PTPRD: variants seen among roughly 807,000 people sequenced by gnomAD.
PTPRD encodes protein tyrosine phosphatase receptor type D, also known as receptor-type tyrosine-protein phosphatase delta.
Under a neutral mutation model 214.5 loss-of-function variants are expected in PTPRD, and 34 were observed. The observed-to-expected ratio is 0.16, with a 90% CI of 0.12 to 0.21. The LOEUF (loss-of-function observed/expected upper bound fraction) is 0.21. PTPRD is among the 10% of genes least tolerant of loss of function. The pLI, the probability that PTPRD is intolerant of heterozygous loss-of-function variation, is 1.00. For synonymous variants in PTPRD, 1,128 were observed against 845.7 expected (o/e 1.33, Z -5.79); for missense variants, 2,545 against 2,398.7 (o/e 1.06, Z -1.27).
intron 2 of PTPRD, among the ~76,000 whole-genome samples, chr9:10,356,322 G>A (rs903472637): frequency 6.6e-6 from 1 of 152,074 alleles, no homozygotes; most frequent in Non-Finnish European, 1.5e-5. Context: ...TCAATCTGAT[G>A]ACTTTACCAT....
At chr9:9,967,914 A>C (rs571796408) in intron 4 of PTPRD, among the ~76,000 whole-genome samples, 177 of 152,258 alleles carry the variant, frequency 1.2e-3, no homozygotes, top group African/African-American at 3.8e-3. Flanking sequence ...ATATATACTG[A>C]TATTATGATA....
intron 2 of PTPRD, among the ~76,000 whole-genome samples, chr9:10,408,944 T>C (rs913154682): frequency 2.0e-5 from 3 of 151,766 alleles, no homozygotes; most frequent in African/African-American, 7.2e-5. Flanking sequence ...TATAAACCTG[T>C]TCAATAGATA....
At chr9:10,184,337 A>C (rs1382678452) in intron 3 of PTPRD, among the ~76,000 whole-genome samples, 1 of 152,182 alleles carries the variant, frequency 6.6e-6, no homozygotes, top group Non-Finnish European at 1.5e-5. Flanking sequence ...AGGCATGAGA[A>C]TCACTTGAAC....
chr9:9,670,359 G>T (rs2096803861), intron 7 of PTPRD, among the ~76,000 whole-genome samples: 2 of 152,124 alleles, frequency 1.3e-5, no homozygotes, highest in Admixed American at 1.3e-4. Flanking sequence ...TTTTAGTTTT[G>T]TAAGGGGAGC....
At chr9:9,871,517 TAGCTCTTCAAGGAA>T (rs2065421023) in intron 5 of PTPRD, among the ~76,000 whole-genome samples, 1 of 152,216 alleles carries the variant, frequency 6.6e-6, no homozygotes, top group South Asian at 2.1e-4. Context: ...TTTCTAACTC[TAGCTCTTCAAGGAA>T]GCTCAGGGGC....
rs532917763 is a variant in PTPRD at position 9,847,575 on chromosome 9, T to C, written c.-367-80724A>G. On this transcript the variant is annotated intron_variant, in intron 5 of 45. Transcript: ENST00000381196. Reference sequence around the variant, plus strand: ...CCAATGCCCCCTAGGTTTGTCATATTCTTGCCACTTTACAGGAAAACAAAA... The same window carrying C: ...CCAATGCCCCCTAGGTTTGTCATATCCTTGCCACTTTACAGGAAAACAAAA... Among the ~76,000 whole-genome samples the C allele has an allele frequency of 6.6e-5, 10 of 152,264 alleles. 1 individual carries two copies. Among genetic ancestry groups the C allele is most frequent in the Admixed American group, 5.9e-4 (9 of 15,264 alleles).
intron 5 of PTPRD, among the ~76,000 whole-genome samples, chr9:9,767,984 G>C (rs115703320): frequency 6.6e-6 from 1 of 152,076 alleles, no homozygotes; most frequent in Non-Finnish European, 1.5e-5. Flanking sequence ...AGCTATCATC[G>C]AAACAGCACA....
chr9:10,001,451 A>G (rs1478847790), intron 4 of PTPRD, among the ~76,000 whole-genome samples: 1 of 152,158 alleles, frequency 6.6e-6, no homozygotes, highest in Non-Finnish European at 1.5e-5. Flanking sequence ...GAGATCCACA[A>G]GTAGAAACAT....
At chr9:9,579,364 G>C (rs564601867) in intron 7 of PTPRD, among the ~76,000 whole-genome samples, 5 of 152,244 alleles carry the variant, frequency 3.3e-5, no homozygotes, top group African/African-American at 1.2e-4. Context: ...ACACTGACTA[G>C]AGAGGTAAAC....
intron 39 of PTPRD, among the ~76,000 whole-genome samples, chr9:8,374,522 T>A (rs925286531): frequency 1.3e-5 from 2 of 152,058 alleles, no homozygotes; most frequent in African/African-American, 4.8e-5. Context: ...CAAAGGACCC[T>A]GTCTTGGATG....
intron 3 of PTPRD, among the ~76,000 whole-genome samples, chr9:10,125,771 C>T (rs1009412695): frequency 2.0e-5 from 3 of 151,770 alleles, no homozygotes; most frequent in Non-Finnish European, 4.4e-5. Context: ...CGTGAGCCAC[C>T]GCACCCATCT....
chr9:9,977,632 T>C lies in PTPRD; in HGVS notation c.-471-39022A>G, dbSNP rs560367970. On this transcript the variant is annotated intron_variant, in intron 4 of 45. Transcript: ENST00000381196. ...AAATGATAAGTGAACGCAATAAAAA[T>C]TGCCATGAGTACGACTGACGAGGAC... Among the ~76,000 whole-genome samples the C allele has an allele frequency of 5.9e-5, 9 of 152,248 alleles. No individual in the cohort carries two copies. The Middle Eastern group carries it at 0.01, about 173-fold the overall frequency.
intron 2 of PTPRD, among the ~76,000 whole-genome samples, chr9:10,599,149 C>A (rs1219012087): frequency 1.3e-5 from 2 of 151,660 alleles, no homozygotes; most frequent in East Asian, 3.9e-4. Context: ...AAATCTGACC[C>A]TGTAGATGAG....
intron 8 of PTPRD, among the ~76,000 whole-genome samples, chr9:9,474,810 T>G (rs2094903677): frequency 6.6e-6 from 1 of 152,154 alleles, no homozygotes; most frequent in Non-Finnish European, 1.5e-5. Flanking sequence ...TGAATTAATT[T>G]ATCAATTCTA....
rs113722851 is a variant in PTPRD at position 9,883,452 on chromosome 9, C to T, written c.-368+55055G>A. On this transcript the variant is annotated intron_variant, in intron 5 of 45. Coordinates refer to ENST00000381196, the MANE Select transcript of PTPRD (RefSeq NM_002839.4). ...GTGAAGAGGAGGTCAACTAGGAGAA[C>T]AGGAAAGTATAAATGATGTCTGGCA... is the stretch of plus-strand genomic sequence containing the variant. 2.1e-4 allele frequency among the ~76,000 whole-genome samples: 32 copies of T among 152,144 alleles called. 1 individual carries two copies. Among genetic ancestry groups the T allele is most frequent in the African/African-American group, 7.5e-4 (31 of 41,524 alleles).
At chr9:8,342,148 C>T (rs751131641) in intron 39 of PTPRD, among the ~76,000 whole-genome samples, 170 bp from the exon 40 acceptor site, 7 of 151,758 alleles carry the variant, frequency 4.6e-5, no homozygotes, top group African/African-American at 7.3e-5. Context: ...TATCTAGGCA[C>T]CATAATCAGA....
intron 12 of PTPRD, among the ~76,000 whole-genome samples, chr9:8,689,894 G>C (rs1471875008): frequency 1.3e-5 from 2 of 151,984 alleles, no homozygotes; most frequent in African/African-American, 4.8e-5. Context: ...GATCAACTGA[G>C]GTTAGGAGTT....
intron 12 of PTPRD, among the ~76,000 whole-genome samples, chr9:8,638,256 G>C (rs1004866700): frequency 1.3e-5 from 2 of 152,032 alleles, no homozygotes; most frequent in African/African-American, 4.8e-5. Flanking sequence ...AAAGAAAAAA[G>C]TCATAACAAA....
intron 4 of PTPRD, among the ~76,000 whole-genome samples, chr9:10,022,647 C>T (rs1270348874): frequency 2.0e-5 from 3 of 152,056 alleles, no homozygotes; most frequent in Non-Finnish European, 4.4e-5. Context: ...GTATTTCATT[C>T]TAAACTATAG....
Sources: gnomAD v4.1 joint callset for allele counts (sites outside exome capture counted in the v4.1 genomes callset) on GRCh38, gnomAD v4.1.1 for gene constraint, MANE v1.5 for transcripts, NCBI Gene and HGNC (gene_info 2026-07-23, HGNC 2026-07-21) for gene names.